SRGAP3: variants seen among roughly 807,000 people sequenced by gnomAD.
SRGAP3 encodes SLIT-ROBO Rho GTPase-activating protein 3.
SRGAP3 carries 39 observed loss-of-function variants against 121.1 expected under a neutral mutation model. The observed-to-expected ratio is 0.32, with a 90% confidence interval of 0.25 to 0.42. The LOEUF is 0.42. Ranked by LOEUF, SRGAP3 falls within the 10% of genes least tolerant of loss-of-function variation. The pLI is 1.00. For synonymous variants in SRGAP3, 601 were observed against 570.0 expected, an observed-to-expected ratio of 1.05 and a Z score of -0.77; for missense variants, 1,213 against 1,470.6, an observed-to-expected ratio of 0.82 and a Z score of 2.86.
chr3:9,001,639 T>G (rs1393350814), intron 18 of SRGAP3, among the ~76,000 whole-genome samples: 2 of 152,104 alleles, frequency 1.3e-5, no homozygotes, highest in South Asian at 4.1e-4. Flanking sequence ...ATGCAGAGAT[T>G]AACAGACTGG....
intron 3 of SRGAP3, among the ~76,000 whole-genome samples, chr3:9,297,198 A>G (rs537847873): frequency 6.6e-6 from 1 of 152,322 alleles, no homozygotes; most frequent in African/African-American, 2.4e-5. Flanking sequence ...CACAGAACAC[A>G]TAACTGGAAT....
chr3:9,012,715 G>A (rs1198979623), intron 17 of SRGAP3, among the ~76,000 whole-genome samples: 3 of 152,176 alleles, frequency 2.0e-5, no homozygotes, highest in Non-Finnish European at 2.9e-5. Context: ...CCTGCTTCCT[G>A]AGATGGGCTT....
In SRGAP3 at chr3:9,047,853, A is replaced by T. The variant is rs567413090; in HGVS notation, c.1324-378T>A. Among the ~76,000 whole-genome samples the T allele has an allele frequency of 2.0e-5, 3 of 152,360 alleles. No individual in the cohort carries two copies. In the East Asian group the frequency reaches 5.8e-4, roughly 29 times the overall value. On this transcript the variant is annotated intron_variant, in intron 9 of 21. Transcript: ENST00000383836. The stretch of plus-strand genomic sequence containing the variant: ...TGCTTCTGCGCCAAGAGCAATAAAA[A>T]TGGGAGCCGTCCCAGGGGCCACGCA...
At chr3:9,045,652 A>C (rs1358439967) in intron 10 of SRGAP3, among the ~76,000 whole-genome samples, 1 of 152,160 alleles carries the variant, frequency 6.6e-6, no homozygotes, top group East Asian at 1.9e-4. Flanking sequence ...CCGCAGGAAG[A>C]CAAAGCAAAG....
Position 9,239,240 on chromosome 3 carries a change from C to T in SRGAP3, c.67+9645G>A, listed in dbSNP as rs772362785. Among the ~76,000 whole-genome samples, 2 of 152,016 alleles carry T rather than the reference C, an allele frequency of 1.3e-5. No individual in the cohort carries two copies. Among genetic ancestry groups the T allele is most frequent in the Admixed American group, 6.6e-5 (1 of 15,252 alleles). On this transcript the variant is annotated intron_variant, in intron 1 of 21. Coordinates refer to ENST00000383836, the MANE Select transcript of SRGAP3 (RefSeq NM_014850.4). This position sits in a 1 kb window ranked among gnomAD's most constrained non-coding sequence, Gnocchi z 4.0. ...ACTAAAAATACAAAAATTAGCTGGA[C>T]GTAGTGGCTGGCACCTGTAATCCCA...
intron 3 of SRGAP3, among the ~76,000 whole-genome samples, chr3:9,084,916 T>A (rs886384724): frequency 6.6e-6 from 1 of 152,190 alleles, no homozygotes; most frequent in Non-Finnish European, 1.5e-5. Flanking sequence ...CACAGGCCTG[T>A]TGGGCAGCAG....
intron 18 of SRGAP3, 117 bp downstream of exon 18, chr3:9,010,191 T>A (rs1221642034): frequency 8.2e-7 from 1 of 1,214,860 alleles, no homozygotes; most frequent in Non-Finnish European, 1.2e-6. Flanking sequence ...GAAGGACAGA[T>A]GGCTGACTTG....
chr3:9,216,999 A>C (rs1952658210), intron 1 of SRGAP3: 1 of 152,104 alleles, frequency 6.6e-6, no homozygotes, highest in Non-Finnish European at 1.5e-5. Context: ...GGTGATTGCC[A>C]GGGAATGGGG....
chr3:9,015,778 TC>T (rs1371378018), intron 14 of SRGAP3, 47 bp from the exon 15 acceptor site: 1 of 1,611,378 alleles, frequency 6.2e-7, no homozygotes, highest in African/African-American at 1.3e-5. Flanking sequence ...TGGGAAGGAG[TC>T]AGAGAACGTG....
At chr3:9,121,172 C>T (rs1239196544) in intron 2 of SRGAP3, among the ~76,000 whole-genome samples, 1 of 152,130 alleles carries the variant, frequency 6.6e-6, no homozygotes, top group Non-Finnish European at 1.5e-5. Flanking sequence ...GTCTTCTTCC[C>T]TCCTTCCTCC....
At chr3:9,047,068 G>A (rs1301618500) in intron 10 of SRGAP3, among the ~76,000 whole-genome samples, 4 of 152,086 alleles carry the variant, frequency 2.6e-5, no homozygotes, top group African/African-American at 4.8e-5. Flanking sequence ...TCCTGACCTC[G>A]TGATCCGCCC....
chr3:9,026,242 C>T (rs1031489106), intron 13 of SRGAP3, among the ~76,000 whole-genome samples: 2 of 152,232 alleles, frequency 1.3e-5, no homozygotes, highest in South Asian at 4.1e-4. Flanking sequence ...TCCAGCCATT[C>T]TCTATCCTCT....
chr3:9,278,790 A>C (rs534110405), intron 3 of SRGAP3, among the ~76,000 whole-genome samples: 5 of 152,320 alleles, frequency 3.3e-5, no homozygotes, highest in African/African-American at 9.6e-5. Context: ...CAGAAAGCCC[A>C]ACCTGAATAG....
chr3:9,236,915 T>A (rs1953431976), intron 1 of SRGAP3, among the ~76,000 whole-genome samples: 1 of 152,224 alleles, frequency 6.6e-6, no homozygotes. Flanking sequence ...AAACTATTTT[T>A]GTGTCCCCAT....
At chr3:9,009,854 C>T (rs931002943) in intron 18 of SRGAP3, among the ~76,000 whole-genome samples, 1 of 152,210 alleles carries the variant, frequency 6.6e-6, no homozygotes, top group African/African-American at 2.4e-5. Flanking sequence ...TGAGAAGCTA[C>T]TTCCAACCTG....
chr3:9,145,755 G>A (rs1000769945), intron 1 of SRGAP3, among the ~76,000 whole-genome samples: 5 of 152,176 alleles, frequency 3.3e-5, no homozygotes, highest in African/African-American at 1.2e-4. Flanking sequence ...AGGGGAGATG[G>A]TAGGAACTAA....
chr3:9,262,544 A>AAAAAAAAAAAAC (rs1954275831), intron 3 of SRGAP3, among the ~76,000 whole-genome samples: 1 of 146,962 alleles, frequency 6.8e-6, no homozygotes. Context: ...CAAAAAAAAA[A>AAAAAAAAAAAAC]AAAAAAAAAA....
chr3:9,119,698 A>C (rs1948932833), intron 2 of SRGAP3, among the ~76,000 whole-genome samples: 1 of 152,214 alleles, frequency 6.6e-6, no homozygotes, highest in African/African-American at 2.4e-5. Context: ...AGCAGTTAAG[A>C]GGACTGCAGC....
In SRGAP3 at chr3:8,985,537, G is replaced by C; in HGVS notation, c.3282C>G (p.Asp1094Glu). 6.3e-7 allele frequency: 1 copy of C among 1,599,062 alleles called. No individual in the cohort carries two copies. The highest frequency in any genetic ancestry group is 8.5e-7 in the Non-Finnish European group (1 of 1,179,488). The change falls in exon 22 of 22, where the codon GAC becomes GAG. Residue 1094 changes from aspartate (D) to glutamate (E), a missense_variant. Physicochemically the swap from Asp to Glu is conservative, Grantham distance 45 (BLOSUM62 2). Around this residue, in one of 2 missense-constraint regions of SRGAP3, gnomAD observed 420 missense variants for 437.7 expected, o/e 0.96. Coordinates refer to ENST00000383836, the MANE Select transcript of SRGAP3 (RefSeq NM_014850.4). The surrounding 1 kb of genome is among the most constrained non-coding windows in gnomAD (Gnocchi z 5.1). ...CTGCAGGTCACATGGTGCCCGACTT[G>C]TCCGCTGAGCTGTTGGGGAACATCT... is the stretch of plus-strand genomic sequence containing the variant. The part of the protein sequence containing the change: ...TEKMFPNSSA[D>E]KSGTM
Sources: gnomAD v4.1 joint callset for allele counts (sites outside exome capture counted in the v4.1 genomes callset) on GRCh38, gnomAD v4.1.1 for gene constraint, gnomAD v4.1.1 regional missense constraint, Gnocchi (gnomAD v3.1) non-coding constraint, MANE v1.5 for transcripts, NCBI Gene and HGNC (gene_info 2026-07-23, HGNC 2026-07-21) for gene names.